Variants in SYCE1 observed in about 807,000 individuals in gnomAD.
SYCE1 encodes synaptonemal complex central element protein 1.
In SYCE1, 37 loss-of-function variants were observed where a neutral mutation model predicts 55.1. The ratio of observed to expected loss-of-function variants is 0.67; its 90% CI spans 0.52 to 0.88. The LOEUF is 0.88. Among genes scored for constraint, SYCE1 ranks in the 40% least tolerant of loss-of-function variants. The probability of loss-of-function intolerance (pLI) is 0.00; values close to 1 mark genes in which losing one functional copy is unlikely to be tolerated. For missense variants in SYCE1, 399 were observed against 416.4 expected, an observed-to-expected ratio of 0.96 and a Z score of 0.36; for synonymous variants, 163 against 159.4, an observed-to-expected ratio of 1.02 and a Z score of -0.17.
upstream of SYCE1, among the ~76,000 whole-genome samples, chr10:133,567,170 G>C (rs930661847): frequency 6.6e-6 from 1 of 151,516 alleles, no homozygotes; most frequent in African/African-American, 2.4e-5. Context: ...TCAAGGGTTG[G>C]TGTTGGATTT....
intron 1 of SYCE1, among the ~76,000 whole-genome samples, chr10:133,562,455 C>T (rs1390473887): frequency 1.3e-5 from 2 of 152,080 alleles, no homozygotes; most frequent in African/African-American, 4.8e-5. Flanking sequence ...CCCTTGAACG[C>T]TCTGCTGCAT....
upstream of SYCE1, chr10:133,567,946 T>TGGCGGGTCCACAGGGGCAGCC: frequency 1.8e-6 from 1 of 561,748 alleles, no homozygotes; most frequent in Admixed American, 2.2e-5. Context: ...GGACGGTGGA[T>TGGCGGGTCCACAGGGGCAGCC]GGCGGGTCCA....
rs571882978 is a variant in SYCE1, at chr10:133,557,853, GA to G, written c.374+10del. On this transcript the variant is annotated intron_variant, in intron 6 of 12. Coordinates refer to ENST00000343131, the MANE Select transcript of SYCE1 (RefSeq NM_001143764.3). ...GGTAGTGCAGAGTTAGGCTCAGCTGGAAGCTCTTACCTGTGTGCCTCACTTT... is the reference window on the plus strand; with the variant it reads ...GGTAGTGCAGAGTTAGGCTCAGCTGGAGCTCTTACCTGTGTGCCTCACTTT... 7,062 of 1,614,076 alleles carry G rather than the reference GA, an allele frequency of 4.4e-3. 29 individuals are homozygous for G. The highest frequency in any genetic ancestry group is 6.9e-3 in the Admixed American group (413 of 60,032).
intron 6 of SYCE1, 89 bp from the exon 7 acceptor site, chr10:133,557,245 A>AT: frequency 2.8e-6 from 3 of 1,061,318 alleles, no homozygotes; most frequent in South Asian, 1.3e-5. Flanking sequence ...TATTGAGGCT[A>AT]TTTTTTCCCT....
chr10:133,565,334 C>T (rs776027672), intron 1 of SYCE1, 123 bp downstream of exon 1: 5 of 889,090 alleles, frequency 5.6e-6, no homozygotes, highest in African/African-American at 5.2e-5. Context: ...TGAAGAAACC[C>T]GCTAAGTCTC....
At chr10:133,555,291 C>A (rs1851631595) in intron 12 of SYCE1, 60 bp downstream of exon 12, 2 of 1,607,596 alleles carry the variant, frequency 1.2e-6, no homozygotes, top group Admixed American at 3.3e-5. Context: ...GTCCTCCCGC[C>A]CCTTCCGCTG....
intron 4 of SYCE1, 80 bp from the exon 5 acceptor site, chr10:133,558,294 G>C: frequency 6.6e-7 from 1 of 1,522,172 alleles, no homozygotes; most frequent in Non-Finnish European, 9.1e-7. Flanking sequence ...GGTCACATGG[G>C]AAGCTGGGCA....
At chr10:133,566,620 G>A (rs375524086), upstream of SYCE1, among the ~76,000 whole-genome samples, 13 of 83,374 alleles carry the variant, frequency 1.6e-4, no homozygotes, top group African/African-American at 3.8e-4. Context: ...GGGTATTGGG[G>A]TTAGGGTTTG....
intron 1 of SYCE1, among the ~76,000 whole-genome samples, chr10:133,561,964 G>T (rs915801925): frequency 3.9e-5 from 6 of 151,972 alleles, no homozygotes; most frequent in African/African-American, 9.7e-5. Context: ...GAAGATTTTT[G>T]ATTTTGACTA....
At chr10:133,559,518 C>T (rs1851771791) in intron 2 of SYCE1, 158 bp from the exon 3 acceptor site, 1 of 681,718 alleles carries the variant, frequency 1.5e-6, no homozygotes, top group Non-Finnish European at 2.6e-6. Flanking sequence ...TCTGGGTGGG[C>T]AAGACTGGGA....
At chr10:133,557,687 G>A in intron 6 of SYCE1, 177 bp downstream of exon 6, 2 of 644,344 alleles carry the variant, frequency 3.1e-6, no homozygotes, top group Non-Finnish European at 5.3e-6. Flanking sequence ...CATTGAGAGA[G>A]TTTCCCTTAA....
chr10:133,555,493 G>T (rs1851642825), intron 11 of SYCE1, 55 bp from the exon 12 acceptor site: 1 of 1,611,818 alleles, frequency 6.2e-7, no homozygotes. Context: ...GTGGAGGAGG[G>T]ACAAGAGGTT....
At chr10:133,560,347 T>C (rs74162043) in intron 1 of SYCE1, 194 bp from the exon 2 acceptor site, 14,864 of 494,932 alleles carry the variant, frequency 0.03, 630 homozygotes, top group East Asian at 0.17. Flanking sequence ...TTATACCAGA[T>C]ATCCTCTTTG....
intron 7 of SYCE1, 47 bp downstream of exon 7, chr10:133,557,020 C>G (rs758818330): frequency 3.2e-6 from 5 of 1,576,702 alleles, no homozygotes; most frequent in Admixed American, 1.7e-5. Flanking sequence ...ACATTATATC[C>G]CAACTACTGG....
chr10:133,556,886 A>T, intron 7 of SYCE1, 64 bp from the exon 8 acceptor site: 2 of 1,594,606 alleles, frequency 1.3e-6, no homozygotes, highest in Non-Finnish European at 1.7e-6. Context: ...AGCCTGTCCA[A>T]GTCTGTGGTT....
Position 133,559,308 on chromosome 10 carries a change from G to T in SYCE1, c.189C>A (p.Val63=). ...CAAGGCCCCTGAACTCACCTTGCTG[G>T]ACCTCATTAATCCGGTTAATCAGGA... is the stretch of plus-strand genomic sequence containing the variant. ...VEVLINRINE[V]QQAKKKANKD... Residue 63 remains valine (V), a synonymous_variant, in exon 3 of 13, where the codon GTC becomes GTA. Coordinates refer to ENST00000343131, the MANE Select transcript of SYCE1 (RefSeq NM_001143764.3). 1 of 1,614,150 alleles carries T rather than the reference G, an allele frequency of 6.2e-7. No individual in the cohort carries two copies. Among genetic ancestry groups the T allele is most frequent in the South Asian group, 1.1e-5 (1 of 91,078 alleles).
In SYCE1 at chr10:133,559,321, C is replaced by T. The variant is rs148819902; in HGVS notation, c.176G>A (p.Arg59Gln). ...LEPRVEVLIN[R>Q]INEVQQAKKK... The stretch of plus-strand genomic sequence containing the variant: ...CTCACCTTGCTGGACCTCATTAATC[C>T]GGTTAATCAGGACCTCAACTCGGGG... Residue 59 changes from arginine (R) to glutamine (Q), a missense_variant, in exon 3 of 13, where the codon CGG becomes CAG. By Grantham distance (43) the Arg-to-Gln change is conservative. Coordinates refer to ENST00000343131, the MANE Select transcript of SYCE1 (RefSeq NM_001143764.3). The T allele has an allele frequency of 1.1e-4, 177 of 1,614,126 alleles. No homozygotes were observed. Among genetic ancestry groups the T allele is most frequent in the African/African-American group, 3.1e-4 (23 of 75,018 alleles).
chr10:133,559,391 G>C (rs961581709), intron 2 of SYCE1, 31 bp from the exon 3 acceptor site: 4 of 1,611,792 alleles, frequency 2.5e-6, no homozygotes, highest in African/African-American at 2.7e-5. Flanking sequence ...TGAGTTGACA[G>C]GGCAGGCAGA....
At chr10:133,560,355 T>C (rs1483665722) in intron 1 of SYCE1, 2 of 474,868 alleles carry the variant, frequency 4.2e-6, no homozygotes, top group East Asian at 7.2e-5. Context: ...GATATCCTCT[T>C]TGTAAAACTC....
Sources: gnomAD v4.1 joint callset for allele counts (sites outside exome capture counted in the v4.1 genomes callset) on GRCh38, gnomAD v4.1.1 for gene constraint, MANE v1.5 for transcripts, NCBI Gene and HGNC (gene_info 2026-07-23, HGNC 2026-07-21) for gene names.